The following ANKRD28 variants were observed in gnomAD, a reference collection of about 807,000 sequenced individuals.
ANKRD28 encodes the protein ankyrin repeat domain 28.
ANKRD28 carries 44 observed loss-of-function variants against 126.5 expected under a neutral mutation model. The observed-to-expected ratio is 0.35, with a 90% CI of 0.27 to 0.45. The LOEUF (loss-of-function observed/expected upper bound fraction) is 0.45. Among genes scored for constraint, ANKRD28 ranks in the 20% least tolerant of loss-of-function variants. The pLI is 1.00. For missense variants in ANKRD28, 1,110 were observed against 1,316.6 expected (o/e 0.84, Z 2.43); for synonymous variants, 442 against 468.5 (o/e 0.94, Z 0.73).
At chr3:15,672,261 A>C (rs982532615) in intron 27 of ANKRD28, among the ~76,000 whole-genome samples, 1 of 151,250 alleles carries the variant, frequency 6.6e-6, no homozygotes, top group Non-Finnish European at 1.5e-5. Context: ...CTCCCACCTC[A>C]GCCCCCTGAC....
intron 6 of ANKRD28, among the ~76,000 whole-genome samples, chr3:15,730,771 T>C (rs2074528163): frequency 6.6e-6 from 1 of 152,212 alleles, no homozygotes; most frequent in African/African-American, 2.4e-5. Context: ...TGCTCATAAA[T>C]TAAATGGGCA....
At chr3:15,818,381 A>G (rs552282584) in intron 1 of ANKRD28, among the ~76,000 whole-genome samples, 14 of 152,232 alleles carry the variant, frequency 9.2e-5, no homozygotes, top group Non-Finnish European at 1.8e-4. Context: ...CAAATTTAAA[A>G]TAGTTTACAA....
rs1031644585 is a variant in ANKRD28, at chr3:15,854,186, C to T, written c.27+5191G>A. ...TTTTAAGGAGGCCCAGCTCAAACGT[C>T]CCATCACTTACCAATGAAGTCCAAA... is the stretch of plus-strand genomic sequence containing the variant. On this transcript the variant is annotated intron_variant, in intron 1 of 27. Coordinates refer to the ANKRD28 transcript ENST00000399451. This position sits in a 1 kb window ranked among gnomAD's most constrained non-coding sequence, Gnocchi z 4.1. Among the ~76,000 whole-genome samples the T allele has an allele frequency of 6.6e-6, 1 of 152,206 alleles. No homozygotes were observed. The highest frequency in any genetic ancestry group is 2.4e-5 in the African/African-American group (1 of 41,442).
Position 15,670,493 on chromosome 3 carries a change from A to T in ANKRD28, c.3029T>A (p.Leu1010Ter). 1 of 1,614,022 alleles carries T rather than the reference A, an allele frequency of 6.2e-7. No homozygotes were observed. Among genetic ancestry groups the T allele is most frequent in the Non-Finnish European group, 8.5e-7 (1 of 1,179,864 alleles). The change falls in exon 28 of 28, where the codon TTG (leucine) becomes TAG (stop). Residue 1010 changes from leucine to a stop codon, truncating the protein, a stop_gained. Coordinates refer to ENST00000683139, the MANE Select transcript of ANKRD28 (RefSeq NM_001349278.2). LOFTEE classifies it high-confidence loss of function. ...KDVADCLALI[L>*]ATMMPVSSSS... is the part of the protein sequence containing the mutation. ...TGATGAGACAGGCATCATGGTGGCCAAAATGAGAGCCAGGCAATCAGCCAC... is the reference window on the plus strand; with the variant it reads ...TGATGAGACAGGCATCATGGTGGCCTAAATGAGAGCCAGGCAATCAGCCAC...
chr3:15,833,513 CTATA>C lies in ANKRD28; in HGVS notation c.27+25860_27+25863del, dbSNP rs142975575. On this transcript the variant is annotated intron_variant, in intron 1 of 27. Transcript: ENST00000399451. The surrounding 1 kb of genome is among the most constrained non-coding windows in gnomAD (Gnocchi z 4.4). ...ATAAAAATATACTACATATTATGTA[CTATA>C]TATATATAAAATATATACATTATTT... Among the ~76,000 whole-genome samples the C allele has an allele frequency of 2.0e-5, 3 of 147,618 alleles. No individual in the cohort carries two copies. The highest frequency in any genetic ancestry group is 6.8e-5 in the Admixed American group (1 of 14,728).
chr3:15,768,574 T>A (rs1575605307), intron 2 of ANKRD28, among the ~76,000 whole-genome samples: 2 of 151,690 alleles, frequency 1.3e-5, no homozygotes, highest in Non-Finnish European at 2.9e-5. Flanking sequence ...ATGGCTTGAG[T>A]CCAGGAGCTT....
intron 3 of ANKRD28, among the ~76,000 whole-genome samples, chr3:15,762,207 A>AC (rs1317311370): frequency 1.2e-3 from 41 of 33,146 alleles, no homozygotes; most frequent in Middle Eastern, 0.038. Context: ...AAAAAAAAAA[A>AC]AAAAAACAAA....
intron 1 of ANKRD28, among the ~76,000 whole-genome samples, chr3:15,855,174 C>T (rs2061737500): frequency 6.6e-6 from 1 of 152,134 alleles, no homozygotes; most frequent in Non-Finnish European, 1.5e-5. Context: ...GTAAGATTTC[C>T]CAAGAACCGT....
chr3:15,696,558 C>T (rs547362192), intron 14 of ANKRD28, among the ~76,000 whole-genome samples: 19 of 152,018 alleles, frequency 1.2e-4, no homozygotes, highest in South Asian at 1.0e-3. Context: ...TTCTACTAAA[C>T]AATGTTGGAT....
chr3:15,743,374 AC>A (rs755989237), intron 4 of ANKRD28, among the ~76,000 whole-genome samples: 56 of 148,192 alleles, frequency 3.8e-4, no homozygotes, highest in African/African-American at 1.4e-3. Context: ...AAACAAACAA[AC>A]AAAAAAAAAC....
chr3:15,725,662 TA>T (rs917717211), intron 6 of ANKRD28, among the ~76,000 whole-genome samples: 1 of 152,196 alleles, frequency 6.6e-6, no homozygotes, highest in Non-Finnish European at 1.5e-5. Flanking sequence ...TTTTCAATGT[TA>T]TTTTATCTGT....
chr3:15,767,957 G>T (rs1298387583), intron 2 of ANKRD28, among the ~76,000 whole-genome samples: 1 of 151,936 alleles, frequency 6.6e-6, no homozygotes, highest in Non-Finnish European at 1.5e-5. Context: ...ATTGTTTCCT[G>T]CTTCCCACAG....
rs573405601 is a variant in ANKRD28, at chr3:15,853,446, C to T, written c.27+5931G>A. ...ATTTGGGTTATCTGCTCTTTAACTA[C>T]CATAATCAATGTTTTATGGTTTTTT... On this transcript the variant is annotated intron_variant, in intron 1 of 27. Coordinates refer to the ANKRD28 transcript ENST00000399451. This position sits in a 1 kb window ranked among gnomAD's most constrained non-coding sequence, Gnocchi z 4.2. Among the ~76,000 whole-genome samples the T allele has an allele frequency of 1.6e-4, 24 of 152,062 alleles. 1 individual carries two copies. The South Asian group carries it at 5.0e-3, about 32-fold the overall frequency.
At position 15,685,656 on chromosome 3, in the gene ANKRD28, AAAC is replaced by A. The variant is rs373403896; in HGVS notation, c.2170-214_2170-212del. ...CCCTTCTAAAATGCAAATAGTATGA[AAAC>A]AGGAAGAGAGAAACTTGGTATTCAA... On this transcript the variant is annotated intron_variant, in intron 20 of 27. Transcript: ENST00000683139. Among the ~76,000 whole-genome samples, 553 of 152,330 alleles carry A rather than the reference AAAC, an allele frequency of 3.6e-3. 6 individuals carry two copies. The highest frequency in any genetic ancestry group is 0.013 in the African/African-American group (533 of 41,568).
At chr3:15,695,131 C>G (rs374058158) in intron 16 of ANKRD28, 57 bp downstream of exon 16, 33 of 1,352,174 alleles carry the variant, frequency 2.4e-5, no homozygotes, top group Non-Finnish European at 3.5e-5. Flanking sequence ...ATAAACATAA[C>G]TGGTAGGAGG....
At chr3:15,688,269 T>A (rs1251597945) in intron 18 of ANKRD28, among the ~76,000 whole-genome samples, 1 of 152,178 alleles carries the variant, frequency 6.6e-6, no homozygotes, top group Non-Finnish European at 1.5e-5. Flanking sequence ...TTTTCACAGA[T>A]CCCATCCAGT....
At chr3:15,850,224 TAGAGAGAGAGAGAGAGAG>T (rs375278547) in intron 1 of ANKRD28, among the ~76,000 whole-genome samples, 2 of 35,112 alleles carry the variant, frequency 5.7e-5, no homozygotes, top group Admixed American at 4.8e-4. Flanking sequence ...TATATATATA[TAGAGAGAGAGAGAGAGAG>T]AGAGAGAGAG....
At chr3:15,744,566 C>T (rs1485801019) in intron 4 of ANKRD28, among the ~76,000 whole-genome samples, 2 of 151,992 alleles carry the variant, frequency 1.3e-5, no homozygotes, top group African/African-American at 4.8e-5. Context: ...ATCTGCCCAC[C>T]TCAGCCTCCC....
At chr3:15,696,272 A>G (rs2069535238) in intron 14 of ANKRD28, 27 bp from the exon 15 acceptor site, 1 of 1,414,076 alleles carries the variant, frequency 7.1e-7, no homozygotes, top group Non-Finnish European at 9.7e-7. Flanking sequence ...CAACATACTG[A>G]AAATCCTAAA....
Sources: allele counts gnomAD v4.1 joint callset (sites outside exome capture counted in the v4.1 genomes callset), GRCh38; gene constraint gnomAD v4.1.1; non-coding constraint Gnocchi (gnomAD v3.1); transcripts MANE v1.5; gene names NCBI Gene and HGNC (gene_info 2026-07-23, HGNC 2026-07-21).